ADAM32: variants seen among roughly 807,000 people sequenced by gnomAD.
ADAM32 encodes the protein disintegrin and metalloproteinase domain-containing protein 32.
ADAM32 carries 89 observed loss-of-function variants against 114.9 expected under a neutral mutation model. The observed-to-expected ratio is 0.77, with a 90% CI of 0.65 to 0.92. ADAM32 has a LOEUF of 0.92. Among genes scored for constraint, ADAM32 ranks in the 40% least tolerant of loss-of-function variants. The pLI, the probability that ADAM32 is intolerant of heterozygous loss-of-function variation, is 0.00. For synonymous variants in ADAM32, 285 were observed against 307.5 expected (o/e 0.93, Z 0.77); for missense variants, 870 against 932.8 (o/e 0.93, Z 0.88).
At position 39,197,897 on chromosome 8, in the gene ADAM32, C is replaced by G. The variant is rs747603505; in HGVS notation, c.1052+10852C>G. Among the ~76,000 whole-genome samples, 26 of 152,238 alleles carry G rather than the reference C, an allele frequency of 1.7e-4. 1 individual carries two copies. Among genetic ancestry groups the G allele is most frequent in the South Asian group, 6.2e-4 (3 of 4,820 alleles). ...TTGATGTTCTGCCTAGATGATCTGT[C>G]CAATGCTTCAAGAGGGGTGTTGGAG... On this transcript the variant is annotated intron_variant, in intron 11 of 24. Transcript: ENST00000379907.
chr8:39,265,003 G>A (rs1314617179), intron 19 of ADAM32, among the ~76,000 whole-genome samples: 1 of 152,108 alleles, frequency 6.6e-6, no homozygotes, highest in Non-Finnish European at 1.5e-5. Flanking sequence ...GGTCTACTTG[G>A]TCAAGTGCCG....
chr8:39,270,386 G>A (rs1812638664), intron 19 of ADAM32, among the ~76,000 whole-genome samples: 2 of 152,044 alleles, frequency 1.3e-5, no homozygotes, highest in Non-Finnish European at 2.9e-5. Flanking sequence ...TATTATTCCT[G>A]TTTCATGGGT....
chr8:39,251,088 A>G (rs1475990123), intron 17 of ADAM32, among the ~76,000 whole-genome samples: 1 of 151,834 alleles, frequency 6.6e-6, no homozygotes, highest in Admixed American at 6.6e-5. Context: ...GGACGCTTAC[A>G]TTGATTCTAT....
intron 2 of ADAM32, chr8:39,130,907 TA>T: frequency 2.2e-6 from 1 of 455,804 alleles, no homozygotes; most frequent in South Asian, 1.6e-5. Flanking sequence ...TAGTTTCATT[TA>T]TCATGCCTAT....
At position 39,118,120 on chromosome 8, in the gene ADAM32, A is replaced by G; in HGVS notation, c.93A>G (p.Pro31=). The G allele has an allele frequency of 6.7e-7, 1 of 1,496,206 alleles. No homozygotes were observed. Among genetic ancestry groups the G allele is most frequent in the Non-Finnish European group, 8.9e-7 (1 of 1,120,844 alleles). 92.7% of individuals were successfully genotyped at this position (1,496,206 alleles called of 1,614,324 possible). A position where few individuals can be genotyped will look rare whatever the true frequency, so the allele number is the denominator to read the frequency against. ...FQNSLLQIVI[P]EKIQTNTNDS... The stretch of plus-strand genomic sequence containing the variant: ...ATTCACTTCTACAGATCGTAATTCC[A>G]GAGAAAATCCAAACAAATACAAATG... The change falls in exon 2 of 25, where the codon CCA becomes CCG. Residue 31 remains proline (P), a synonymous_variant. Transcript: ENST00000379907.
intron 14 of ADAM32, among the ~76,000 whole-genome samples, chr8:39,229,952 C>T (rs879713573): frequency 1.8e-4 from 28 of 152,124 alleles, no homozygotes; most frequent in African/African-American, 5.6e-4. Context: ...AGCCATAAAA[C>T]GAGCCTCAAT....
intron 11 of ADAM32, among the ~76,000 whole-genome samples, chr8:39,197,961 T>C (rs1807121554): frequency 6.6e-6 from 1 of 152,172 alleles, no homozygotes; most frequent in Non-Finnish European, 1.5e-5. Context: ...TTTCTCTGTT[T>C]ACTTCTAATA....
In ADAM32 at chr8:39,262,155, T is replaced by A. The variant is rs1371993556; in HGVS notation, c.2162+4812T>A. On this transcript the variant is annotated intron_variant, in intron 19 of 24. Transcript: ENST00000379907. Reference sequence around the variant, plus strand: ...ATCATTTCTCCTATGTTTTCTTCTGTGAGTTTCATTATTTTGAATTTTATA... The same window carrying A: ...ATCATTTCTCCTATGTTTTCTTCTGAGAGTTTCATTATTTTGAATTTTATA... Among the ~76,000 whole-genome samples, 6 of 152,066 alleles carry A rather than the reference T, an allele frequency of 3.9e-5. No homozygotes were observed. In the East Asian group the frequency reaches 9.6e-4, roughly 24 times the overall value.
intron 7 of ADAM32, 77 bp downstream of exon 7, chr8:39,161,042 C>A: frequency 1.6e-6 from 2 of 1,283,698 alleles, no homozygotes; most frequent in Admixed American, 2.8e-5. Flanking sequence ...TAGACAGAAA[C>A]TAAAAGATTC....
intron 11 of ADAM32, among the ~76,000 whole-genome samples, chr8:39,204,419 G>A (rs1256160264): frequency 6.6e-6 from 1 of 152,086 alleles, no homozygotes; most frequent in Non-Finnish European, 1.5e-5. Flanking sequence ...CCAGTTGATC[G>A]AATCAGCTAC....
intron 19 of ADAM32, among the ~76,000 whole-genome samples, chr8:39,259,792 A>C (rs1282683364): frequency 6.6e-6 from 1 of 152,244 alleles, no homozygotes; most frequent in African/African-American, 2.4e-5. Flanking sequence ...AAGTTGCAAA[A>C]ATTGCACAGG....
chr8:39,284,485 C>T (rs1429165128), intron 24 of ADAM32, among the ~76,000 whole-genome samples: 1 of 151,844 alleles, frequency 6.6e-6, no homozygotes, highest in Non-Finnish European at 1.5e-5. Flanking sequence ...ATTTCTAAAA[C>T]ATGTAAAGAC....
At chr8:39,179,755 C>T (rs899724078) in intron 10 of ADAM32, among the ~76,000 whole-genome samples, 8 of 152,178 alleles carry the variant, frequency 5.3e-5, no homozygotes, top group South Asian at 2.1e-4. Flanking sequence ...CCTTGCTCTC[C>T]GTGGGTCAAG....
intron 12 of ADAM32, among the ~76,000 whole-genome samples, chr8:39,211,902 C>T (rs1042939674): frequency 8.5e-5 from 13 of 152,310 alleles, no homozygotes; most frequent in Non-Finnish European, 1.8e-4. Flanking sequence ...GGGTCTGTTA[C>T]ATCCATAGGT....
chr8:39,143,814 C>T (rs546442926), intron 3 of ADAM32, among the ~76,000 whole-genome samples: 1 of 152,326 alleles, frequency 6.6e-6, no homozygotes, highest in Non-Finnish European at 1.5e-5. Flanking sequence ...GCCCTGCCCC[C>T]AGAGGTGGAA....
intron 1 of ADAM32, among the ~76,000 whole-genome samples, chr8:39,113,274 G>T (rs1840239539): frequency 6.6e-6 from 1 of 152,170 alleles, no homozygotes; most frequent in South Asian, 2.1e-4. Flanking sequence ...GATGACTGCA[G>T]CCACATGAGT....
At chr8:39,126,049 G>A (rs1413768675) in intron 2 of ADAM32, among the ~76,000 whole-genome samples, 3 of 152,130 alleles carry the variant, frequency 2.0e-5, no homozygotes, top group Admixed American at 6.5e-5. Context: ...GTAACATGCT[G>A]TTTTGGTTAC....
intron 14 of ADAM32, among the ~76,000 whole-genome samples, chr8:39,230,447 C>T (rs1243065982): frequency 2.6e-5 from 4 of 152,160 alleles, no homozygotes; most frequent in African/African-American, 7.2e-5. Context: ...ATACTTTCAG[C>T]AGAATTCATC....
rs1309747361 is a variant in ADAM32, at chr8:39,254,434, G to A, written c.1923G>A (p.Lys641=). 1 of 1,599,650 alleles carries A rather than the reference G, an allele frequency of 6.3e-7. No individual in the cohort carries two copies. The highest frequency in any genetic ancestry group is 1.3e-5 in the African/African-American group (1 of 74,606). The part of the protein sequence containing the change: ...SGHGVCDSRN[K]CHCSPGYKPP... ...CCTAGGTGTGTGATTCCAGAAACAA[G>A]TGCCATTGTTCGCCAGGCTATAAGC... The change falls in exon 18 of 25, where the codon AAG becomes AAA. Residue 641 remains lysine, a synonymous_variant. Coordinates refer to ENST00000379907, the MANE Select transcript of ADAM32 (RefSeq NM_145004.7).
Sources: gnomAD v4.1 joint callset for allele counts (sites outside exome capture counted in the v4.1 genomes callset) on GRCh38, gnomAD v4.1.1 for gene constraint, MANE v1.5 for transcripts, NCBI Gene and HGNC (gene_info 2026-07-23, HGNC 2026-07-21) for gene names.